Variants in FBXL19 observed in about 807,000 individuals in gnomAD.
FBXL19 encodes the protein F-box/LRR-repeat protein 19.
Under a neutral mutation model 71.2 loss-of-function variants are expected in FBXL19, and 16 were observed. The observed-to-expected ratio is 0.22, with a 90% CI of 0.15 to 0.34. The LOEUF (loss-of-function observed/expected upper bound fraction) is 0.34. FBXL19 is among the 10% of genes least tolerant of loss of function. FBXL19 has a pLI of 1.00. For synonymous variants in FBXL19, 447 were observed against 409.4 expected (o/e 1.09, Z -1.11); for missense variants, 658 against 968.2 (o/e 0.68, Z 4.25).
rs746937519 is a variant in FBXL19, at chr16:30,925,931, C to T, written c.177C>T (p.Ala59=). The T allele has an allele frequency of 3.4e-6, 5 of 1,485,232 alleles. No homozygotes were observed. The highest frequency in any genetic ancestry group is 3.6e-6 in the Non-Finnish European group (4 of 1,123,468). The allele number at this position is 1,485,232 out of a possible 1,614,324, so 92.0% of individuals were successfully genotyped here. The change falls in exon 2 of 11, where the codon GCC becomes GCT. Residue 59 remains alanine (A), a splice_region_variant and synonymous_variant. Coordinates refer to ENST00000338343, the MANE Select transcript of FBXL19 (RefSeq NM_001382779.1). The surrounding 1 kb of genome is among the most constrained non-coding windows in gnomAD (Gnocchi z 5.0). The stretch of plus-strand genomic sequence containing the variant: ...CGTGCCTGCTCCGGCAGTGCACTGC[C>T]GTGAGTTCTGCCCCCACCTTTGGGC... The part of the protein sequence containing the change: ...KQSCLLRQCT[A]PVLPHTAVCL...
At chr16:30,941,234 G>A (rs1343454190) in intron 7 of FBXL19, among the ~76,000 whole-genome samples, 1 of 152,114 alleles carries the variant, frequency 6.6e-6, no homozygotes, top group Non-Finnish European at 1.5e-5. Flanking sequence ...CCAGTGTTTT[G>A]GGAGGCCAAG....
intron 7 of FBXL19, among the ~76,000 whole-genome samples, chr16:30,934,423 C>T (rs1391104623): frequency 2.6e-5 from 4 of 151,036 alleles, no homozygotes; most frequent in African/African-American, 4.9e-5. Flanking sequence ...TTTGGAAGGC[C>T]GAGGCAGGCG....
chr16:30,941,998 C>T, intron 7 of FBXL19, 118 bp from the exon 8 acceptor site: 1 of 1,185,450 alleles, frequency 8.4e-7, no homozygotes, highest in Admixed American at 3.1e-5. Flanking sequence ...TCTTGCTACC[C>T]TGTTGTCTGT....
chr16:30,927,020 A>G (rs1473751531), intron 2 of FBXL19, among the ~76,000 whole-genome samples: 1 of 152,224 alleles, frequency 6.6e-6, no homozygotes, highest in Non-Finnish European at 1.5e-5. Context: ...TAACAGTCAC[A>G]GGTGATAACA....
In FBXL19 at chr16:30,923,980, T is replaced by G. The variant is rs1356854272; in HGVS notation, c.-504T>G. On this transcript the variant is annotated 5_prime_UTR_variant, in exon 1 of 11. Coordinates refer to ENST00000338343, the MANE Select transcript of FBXL19 (RefSeq NM_001382779.1). ...CCCGGGAACCGGCGGTGGGCGGGCT[T>G]GAACCCCGGAAACGGTGGGGGGGGC... 6.7e-6 allele frequency: 1 copy of G among 148,748 alleles called. No homozygotes were observed. Among genetic ancestry groups the G allele is most frequent in the African/African-American group, 2.5e-5 (1 of 40,058 alleles). The allele number at this position is 148,748 out of a possible 1,614,324, so 9.2% of individuals were successfully genotyped here.
At position 30,923,719 on chromosome 16, in the gene FBXL19, T is replaced by G. The variant is rs2055553954; in HGVS notation, c.-765T>G. 6.6e-6 allele frequency among the ~76,000 whole-genome samples: 1 copy of G among 151,194 alleles called. No homozygotes were observed. The highest frequency in any genetic ancestry group is 2.4e-5 in the African/African-American group (1 of 41,162). On this transcript the variant is annotated 5_prime_UTR_variant, in exon 1 of 11. Coordinates refer to ENST00000338343, the MANE Select transcript of FBXL19 (RefSeq NM_001382779.1). ...TTCCCTCTCCCCCTCTATCCTTTCC[T>G]TCCACCCTCCCGCTTGAGGAGGGGG...
Position 30,946,920 on chromosome 16 carries a change from C to T in FBXL19, c.1818C>T (p.Arg606=), listed in dbSNP as rs373043556. 1.7e-4 allele frequency: 275 copies of T among 1,609,962 alleles called. No homozygotes were observed. Among genetic ancestry groups the T allele is most frequent in the African/African-American group, 2.4e-4 (18 of 75,006 alleles). ...TCACGGCCCCCACGTCCCCACTCCG[C>T]GAGACCCTGGTGCACCTCAATCTTG... is the stretch of plus-strand genomic sequence containing the variant. ...HLLTAPTSPL[R]ETLVHLNLAG... Residue 606 remains arginine (R), a synonymous_variant, in exon 10 of 11, where the codon CGC becomes CGT. Coordinates refer to ENST00000338343, the MANE Select transcript of FBXL19 (RefSeq NM_001382779.1). This position sits in a 1 kb window ranked among gnomAD's most constrained non-coding sequence, Gnocchi z 6.7.
intron 7 of FBXL19, among the ~76,000 whole-genome samples, chr16:30,931,194 C>T (rs1046934473): frequency 6.6e-6 from 1 of 152,072 alleles, no homozygotes; most frequent in African/African-American, 2.4e-5. Context: ...GTCATCCTCC[C>T]GAGCCTCTTG....
rs911902612 is a variant in FBXL19, at chr16:30,925,263, G to A, written c.-24-468G>A. On this transcript the variant is annotated intron_variant, in intron 1 of 10. Coordinates refer to ENST00000338343, the MANE Select transcript of FBXL19 (RefSeq NM_001382779.1). This position sits in a 1 kb window ranked among gnomAD's most constrained non-coding sequence, Gnocchi z 5.0. ...GGGGGAGGAAAAGTCCGGAGCTTCC[G>A]TCTAGGAATCTCTGGGTATCTGGGA... is the stretch of plus-strand genomic sequence containing the variant. Among the ~76,000 whole-genome samples, 1 of 152,112 alleles carries A rather than the reference G, an allele frequency of 6.6e-6. No individual in the cohort carries two copies. Among genetic ancestry groups the A allele is most frequent in the Non-Finnish European group, 1.5e-5 (1 of 67,998 alleles).
At chr16:30,924,529 CCTCT>C (rs2055566401) in intron 1 of FBXL19, 70 bp downstream of exon 1, 2 of 1,078,946 alleles carry the variant, frequency 1.9e-6, no homozygotes, top group African/African-American at 3.3e-5. Flanking sequence ...CTCAGCCCGG[CCTCT>C]CTCTACCTTC....
chr16:30,926,903 C>T (rs1443068339), intron 2 of FBXL19, among the ~76,000 whole-genome samples: 5 of 152,128 alleles, frequency 3.3e-5, no homozygotes, highest in African/African-American at 4.8e-5. Context: ...GCTCATGGAG[C>T]GACCTTGGTA....
Position 30,925,751 on chromosome 16 carries a change from C to T in FBXL19, c.-4C>T, listed in dbSNP as rs1454668544. ...TACAGCCCTCGGCGTTGCTGACGCCCCCAATGTCGTCGAGCAGCCGGGGGC... is the reference window on the plus strand; with the variant it reads ...TACAGCCCTCGGCGTTGCTGACGCCTCCAATGTCGTCGAGCAGCCGGGGGC... On this transcript the variant is annotated 5_prime_UTR_variant, in exon 2 of 11. Transcript: ENST00000338343. The surrounding 1 kb of genome is among the most constrained non-coding windows in gnomAD (Gnocchi z 5.0). 6.7e-7 allele frequency: 1 copy of T among 1,487,250 alleles called. No homozygotes were observed. Among genetic ancestry groups the T allele is most frequent in the African/African-American group, 1.5e-5 (1 of 68,712 alleles). The allele number at this position is 1,487,250 out of a possible 1,614,324, so 92.1% of individuals were successfully genotyped here. A position where few individuals can be genotyped will look rare whatever the true frequency, so the allele number is the denominator to read the frequency against.
Position 30,923,895 on chromosome 16 carries a change from G to C in FBXL19, c.-589G>C, listed in dbSNP as rs921132201. 2.6e-5 allele frequency among the ~76,000 whole-genome samples: 4 copies of C among 151,256 alleles called. No homozygotes were observed. Among genetic ancestry groups the C allele is most frequent in the African/African-American group, 9.7e-5 (4 of 41,240 alleles). On this transcript the variant is annotated 5_prime_UTR_variant, in exon 1 of 11. Transcript: ENST00000338343. ...CGCTCGCCTCGCAGCCGTAGGGCAG[G>C]GGGTCGCAGTCCAGGGGCGGGCCCA...
chr16:30,945,840 C>T (rs1416458000), intron 9 of FBXL19, among the ~76,000 whole-genome samples: 32 of 110,600 alleles, frequency 2.9e-4, no homozygotes, highest in Non-Finnish European at 3.8e-4. Context: ...AGCAAGACTC[C>T]GTCTCGGGGA....
At chr16:30,940,974 CATGTTAG>C (rs2055796144) in intron 7 of FBXL19, among the ~76,000 whole-genome samples, 1 of 152,040 alleles carries the variant, frequency 6.6e-6, no homozygotes, top group African/African-American at 2.4e-5. Context: ...CAGCCCACTG[CATGTTAG>C]ATAGTCTGTT....
chr16:30,924,583 C>T, intron 1 of FBXL19, 124 bp downstream of exon 1: 1 of 1,352,158 alleles, frequency 7.4e-7, no homozygotes, highest in Non-Finnish European at 9.4e-7. Flanking sequence ...CCAAACTCAT[C>T]TCCAGCCCTC....
rs781081612 is a variant in FBXL19 at position 30,947,273 on chromosome 16, A to G, written c.*43A>G. On this transcript the variant is annotated 3_prime_UTR_variant, in exon 11 of 11. Coordinates refer to ENST00000338343, the MANE Select transcript of FBXL19 (RefSeq NM_001382779.1). ...TCCCCCGGACTCGACAGGAGCCTGG[A>G]CCTCCGGCTTCATTTCACCCCTGCT... The G allele has an allele frequency of 3.7e-5, 54 of 1,455,190 alleles. No individual in the cohort carries two copies. Among genetic ancestry groups the G allele is most frequent in the Non-Finnish European group, 4.7e-5 (51 of 1,096,312 alleles). The allele number at this position is 1,455,190 out of a possible 1,614,324, so 90.1% of individuals were successfully genotyped here. A position where few individuals can be genotyped will look rare whatever the true frequency, so the allele number is the denominator to read the frequency against.
chr16:30,930,225 C>T lies in FBXL19; in HGVS notation c.942C>T (p.Ser314=), dbSNP rs932317485. Reference sequence around the variant, plus strand: ...CCTCCTCGGACTCAGACTCCGACTCCGACTCTTCGGGCACATCGCTGAGTG... The same window carrying T: ...CCTCCTCGGACTCAGACTCCGACTCTGACTCTTCGGGCACATCGCTGAGTG... The part of the protein sequence containing the change: ...SSSSSDSDSD[S]DSSGTSLSED... Residue 314 remains serine, a synonymous_variant, in exon 7 of 11, where the codon TCC becomes TCT. Coordinates refer to ENST00000338343, the MANE Select transcript of FBXL19 (RefSeq NM_001382779.1). This position sits in a 1 kb window ranked among gnomAD's most constrained non-coding sequence, Gnocchi z 8.5. 2.5e-6 allele frequency: 4 copies of T among 1,613,052 alleles called. No homozygotes were observed. Among genetic ancestry groups the T allele is most frequent in the Admixed American group, 1.7e-5 (1 of 60,032 alleles).
At chr16:30,931,529 T>A (rs943896427) in intron 7 of FBXL19, among the ~76,000 whole-genome samples, 1 of 152,146 alleles carries the variant, frequency 6.6e-6, no homozygotes, top group African/African-American at 2.4e-5. Context: ...GTTAGCTGAT[T>A]TGACCTTCAT....
Sources: allele counts gnomAD v4.1 joint callset (sites outside exome capture counted in the v4.1 genomes callset), GRCh38; gene constraint gnomAD v4.1.1; non-coding constraint Gnocchi (gnomAD v3.1); transcripts MANE v1.5; gene names NCBI Gene and HGNC (gene_info 2026-07-23, HGNC 2026-07-21).